Variants in PTPRG observed in about 807,000 individuals in gnomAD.
PTPRG encodes the protein protein tyrosine phosphatase receptor type G.
PTPRG carries 102 observed loss-of-function variants against 165.3 expected under a neutral mutation model. That is an observed-to-expected ratio of 0.62 (90% CI 0.53 to 0.73). PTPRG has a LOEUF of 0.73. Among genes scored for constraint, PTPRG ranks in the 30% least tolerant of loss-of-function variants. PTPRG has a pLI of 0.00. For synonymous variants in PTPRG, 675 were observed against 669.5 expected (o/e 1.01, Z -0.13); for missense variants, 1,866 against 1,861.4 (o/e 1.00, Z -0.05).
At chr3:61,928,436 C>T (rs1421280790) in intron 2 of PTPRG, among the ~76,000 whole-genome samples, 1 of 152,162 alleles carries the variant, frequency 6.6e-6, no homozygotes, top group East Asian at 1.9e-4. Flanking sequence ...TAATCCCCTA[C>T]TTTCTACTTG....
At chr3:62,262,989 C>G (rs917037271) in intron 17 of PTPRG, 95 bp downstream of exon 17, 6 of 870,894 alleles carry the variant, frequency 6.9e-6, no homozygotes, top group Admixed American at 4.7e-5. Flanking sequence ...AGCAGGATGC[C>G]AAGAAAGAAT....
rs61148136 is a variant in PTPRG, at chr3:61,817,148, T to TATATATA, written c.190+68184_190+68190dup. 2.2e-3 allele frequency among the ~76,000 whole-genome samples: 260 copies of TATATATA among 118,478 alleles called. 3 individuals are homozygous for TATATATA. Among genetic ancestry groups the TATATATA allele is most frequent in the Admixed American group, 0.019 (179 of 9,576 alleles). The allele number at this position is 118,478 out of a possible 152,430, so 77.7% of individuals were successfully genotyped here. On this transcript the variant is annotated intron_variant, in intron 2 of 29. Transcript: ENST00000474889. ...TATTACACATAATACATATATTACA[T>TATATATA]ATATATAATATATAATATATAATAA... is the stretch of plus-strand genomic sequence containing the variant.
chr3:62,151,658 A>G (rs1704341653), intron 6 of PTPRG, among the ~76,000 whole-genome samples: 1 of 151,468 alleles, frequency 6.6e-6, no homozygotes, highest in African/African-American at 2.4e-5. Context: ...GTATAATGGA[A>G]TGAATGGTGG....
Position 62,206,798 on chromosome 3 carries a change from C to T in PTPRG, c.2155+2848C>T, listed in dbSNP as rs550507517. On this transcript the variant is annotated intron_variant, in intron 12 of 29. Coordinates refer to ENST00000474889, the MANE Select transcript of PTPRG (RefSeq NM_002841.4). The stretch of plus-strand genomic sequence containing the variant: ...AAATACAACAATTAGCAGGGCACAG[C>T]GGCTCATGCCTGTAGTCCAGCCACT... 6.7e-5 allele frequency among the ~76,000 whole-genome samples: 10 copies of T among 150,302 alleles called. 1 individual carries two copies. The highest frequency in any genetic ancestry group is 1.2e-4 in the Non-Finnish European group (8 of 67,656).
intron 5 of PTPRG, among the ~76,000 whole-genome samples, chr3:62,095,784 A>G (rs1702088896): frequency 6.6e-6 from 1 of 152,082 alleles, no homozygotes; most frequent in South Asian, 2.1e-4. Context: ...TCTCTGGGAG[A>G]AGACAGGATT....
chr3:62,285,528 G>T (rs894957827), intron 28 of PTPRG, among the ~76,000 whole-genome samples: 1 of 140,484 alleles, frequency 7.1e-6, no homozygotes, highest in African/African-American at 2.6e-5. Flanking sequence ...GGTTGTTGGG[G>T]GGGGGGGGTC....
chr3:61,790,915 A>G (rs961056679), intron 2 of PTPRG, among the ~76,000 whole-genome samples: 4 of 152,192 alleles, frequency 2.6e-5, no homozygotes, highest in East Asian at 1.9e-4. Context: ...ATTAAAGTAT[A>G]TATAAAATCT....
At chr3:61,857,042 C>G (rs1361236274) in intron 2 of PTPRG, among the ~76,000 whole-genome samples, 4 of 151,916 alleles carry the variant, frequency 2.6e-5, no homozygotes, top group Non-Finnish European at 5.9e-5. Flanking sequence ...ATTTCTTTTT[C>G]TGATCATTTC....
At chr3:61,860,434 CTTTTTTTTT>C (rs766688465) in intron 2 of PTPRG, among the ~76,000 whole-genome samples, 4 of 95,554 alleles carry the variant, frequency 4.2e-5, no homozygotes, top group East Asian at 3.7e-4. Flanking sequence ...GTTTTTGTTC[CTTTTTTTTT>C]TTTTTTTTTT....
intron 8 of PTPRG, 109 bp downstream of exon 8, chr3:62,168,272 A>T (rs983690534): frequency 9.4e-7 from 1 of 1,064,674 alleles, no homozygotes; most frequent in African/African-American, 1.6e-5. Flanking sequence ...TGTTAAATGC[A>T]TATGTTTCTC....
intron 5 of PTPRG, among the ~76,000 whole-genome samples, chr3:62,092,474 C>G (rs1425448010): frequency 6.8e-6 from 1 of 146,164 alleles, no homozygotes; most frequent in Admixed American, 6.8e-5. Flanking sequence ...AAGACAAGGA[C>G]CTTTGCTTGT....
chr3:61,702,042 G>T (rs190017557), intron 1 of PTPRG, among the ~76,000 whole-genome samples: 5 of 152,200 alleles, frequency 3.3e-5, no homozygotes, highest in African/African-American at 1.2e-4. Flanking sequence ...GCAGTGGCGC[G>T]ATCTCGGCTC....
chr3:61,920,861 C>G (rs1468878841), intron 2 of PTPRG, among the ~76,000 whole-genome samples: 1 of 152,030 alleles, frequency 6.6e-6, no homozygotes, highest in Non-Finnish European at 1.5e-5. Context: ...ATTGGAAATA[C>G]TTAAAAAATT....
At chr3:61,726,813 C>T (rs1186321377) in intron 1 of PTPRG, among the ~76,000 whole-genome samples, 6 of 152,028 alleles carry the variant, frequency 3.9e-5, no homozygotes, top group African/African-American at 9.7e-5. Context: ...TTTGGGAGGC[C>T]GAGGCGGGCG....
chr3:61,682,132 G>C (rs1189815424), intron 1 of PTPRG, among the ~76,000 whole-genome samples: 1 of 103,796 alleles, frequency 9.6e-6, no homozygotes, highest in Non-Finnish European at 1.7e-5. Flanking sequence ...CTGGGCCACA[G>C]AGCAAGACTC....
At chr3:61,995,646 T>A (rs1559735736) in intron 3 of PTPRG, among the ~76,000 whole-genome samples, 1 of 151,676 alleles carries the variant, frequency 6.6e-6, no homozygotes, top group Non-Finnish European at 1.5e-5. Flanking sequence ...TTCATATGTT[T>A]CTGATAGTCT....
At chr3:61,937,576 C>G (rs1182902078) in intron 2 of PTPRG, among the ~76,000 whole-genome samples, 1 of 152,188 alleles carries the variant, frequency 6.6e-6, no homozygotes, top group Non-Finnish European at 1.5e-5. Context: ...ACCAACTTTA[C>G]TCTGATGAAG....
intron 1 of PTPRG, among the ~76,000 whole-genome samples, chr3:61,613,655 G>A (rs1575538245): frequency 6.6e-6 from 1 of 152,168 alleles, no homozygotes. Flanking sequence ...AATGAACTGG[G>A]CATTGTTTGT....
intron 5 of PTPRG, among the ~76,000 whole-genome samples, chr3:62,112,017 G>C (rs1035666178): frequency 4.6e-5 from 7 of 152,128 alleles, no homozygotes; most frequent in Non-Finnish European, 4.4e-5. Context: ...TGAGTTATAG[G>C]AATTATGATG....
Sources: allele counts gnomAD v4.1 joint callset (sites outside exome capture counted in the v4.1 genomes callset), GRCh38; gene constraint gnomAD v4.1.1; transcripts MANE v1.5; gene names NCBI Gene and HGNC (gene_info 2026-07-23, HGNC 2026-07-21).